The following TBC1D5 variants were observed in gnomAD, a reference collection of about 807,000 sequenced individuals.
TBC1D5 encodes the protein TBC1 domain family, member 5.
A neutral mutation model predicts 100.3 loss-of-function variants in TBC1D5; 75 were observed. That is an observed-to-expected ratio of 0.75 (90% confidence interval 0.62 to 0.91). The LOEUF (loss-of-function observed/expected upper bound fraction) is 0.91. TBC1D5 is among the 40% of genes least tolerant of loss of function. TBC1D5 has a pLI of 0.00. For missense variants in TBC1D5, 910 were observed against 942.4 expected (o/e 0.97, Z 0.45); for synonymous variants, 323 against 325.6 (o/e 0.99, Z 0.09).
At chr3:17,717,702 T>C (rs1357194588) in intron 1 of TBC1D5, among the ~76,000 whole-genome samples, 1 of 152,198 alleles carries the variant, frequency 6.6e-6, no homozygotes, top group African/African-American at 2.4e-5. Flanking sequence ...TTTTGATATA[T>C]GCTTTCTAGT....
chr3:17,708,469 A>G (rs1293032593), intron 1 of TBC1D5, among the ~76,000 whole-genome samples: 1 of 152,216 alleles, frequency 6.6e-6, no homozygotes, highest in Non-Finnish European at 1.5e-5. Context: ...TCTCTAAAAG[A>G]CAGTTTCTCA....
chr3:17,404,714 G>A (rs761622049), exon 7 of TBC1D5: 1 of 1,606,688 alleles, frequency 6.2e-7, no homozygotes, highest in South Asian at 1.1e-5. Flanking sequence ...TGTGAAAGAG[G>A]ATTATTGATC....
At chr3:17,539,807 T>C (rs887882946) in intron 2 of TBC1D5, among the ~76,000 whole-genome samples, 1 of 152,198 alleles carries the variant, frequency 6.6e-6, no homozygotes, top group Non-Finnish European at 1.5e-5. Context: ...AACATGGGTG[T>C]ATAAATTGTC....
At chr3:17,380,383 T>G (rs192144982) in intron 9 of TBC1D5, among the ~76,000 whole-genome samples, 5 of 152,046 alleles carry the variant, frequency 3.3e-5, no homozygotes, top group Admixed American at 2.0e-4. Context: ...GATTTTTGGT[T>G]TTGCTATCAA....
intron 1 of TBC1D5, among the ~76,000 whole-genome samples, chr3:17,677,243 A>C (rs1452999910): frequency 6.6e-6 from 1 of 152,234 alleles, no homozygotes; most frequent in Admixed American, 6.5e-5. Context: ...AAATTTTTGC[A>C]ATCTACTCAT....
At chr3:17,209,145 A>G (rs2072626205) in intron 18 of TBC1D5, among the ~76,000 whole-genome samples, 2 of 152,076 alleles carry the variant, frequency 1.3e-5, no homozygotes, top group Non-Finnish European at 2.9e-5. Flanking sequence ...CTATGTATCT[A>G]TGTATCTATC....
intron 1 of TBC1D5, among the ~76,000 whole-genome samples, chr3:17,651,187 T>A (rs1453936003): frequency 1.3e-5 from 2 of 152,164 alleles, no homozygotes; most frequent in African/African-American, 4.8e-5. Context: ...GTCTCATATC[T>A]ATAAAATACA....
chr3:17,334,917 A>C (rs947624251), intron 13 of TBC1D5, among the ~76,000 whole-genome samples: 1 of 152,126 alleles, frequency 6.6e-6, no homozygotes, highest in Non-Finnish European at 1.5e-5. Context: ...TTGGGGGGAA[A>C]ATCTACAGAT....
At chr3:17,348,064 T>G (rs753562682) in intron 13 of TBC1D5, among the ~76,000 whole-genome samples, 18 of 152,242 alleles carry the variant, frequency 1.2e-4, no homozygotes, top group Non-Finnish European at 2.1e-4. Flanking sequence ...AATATCATCT[T>G]GGACTTTAAA....
chr3:17,623,925 A>G lies in TBC1D5; in HGVS notation c.-100-12T>C, dbSNP rs1221123836. ...TGATACTGATATCACTGAAATAAAG[A>G]AAAAAAAAAGGATCTTTAAATCTAT... On this transcript the variant is annotated splice_polypyrimidine_tract_variant and intron_variant, in intron 1 of 21. Transcript: ENST00000253692. 1 of 138,816 alleles carries G rather than the reference A, an allele frequency of 7.2e-6. No homozygotes were observed. Among genetic ancestry groups the G allele is most frequent in the East Asian group, 1.9e-4 (1 of 5,158 alleles). The allele number at this position is 138,816 out of a possible 1,614,324, so 8.6% of individuals were successfully genotyped here.
intron 16 of TBC1D5, among the ~76,000 whole-genome samples, chr3:17,256,585 T>C (rs1231506020): frequency 6.6e-6 from 1 of 151,860 alleles, no homozygotes; most frequent in African/African-American, 2.4e-5. Context: ...ATACATTTCC[T>C]GTGGTGGAGA....
rs538538558 is a variant in TBC1D5, at chr3:17,481,466, T to C, written c.97+27008A>G. On this transcript the variant is annotated intron_variant, in intron 3 of 21. Coordinates refer to ENST00000253692, the Ensembl canonical transcript of TBC1D5. ...GCAAAGCAACACCCCAAGTAGCCCA[T>C]GACAACTTAAGCCTGTGAAGTAGAG... is the stretch of plus-strand genomic sequence containing the variant. 1.5e-3 allele frequency among the ~76,000 whole-genome samples: 231 copies of C among 152,260 alleles called. 2 individuals carry two copies. Among genetic ancestry groups the C allele is most frequent in the African/African-American group, 5.1e-3 (212 of 41,552 alleles).
intron 2 of TBC1D5, among the ~76,000 whole-genome samples, chr3:17,556,431 A>C (rs1401570004): frequency 6.6e-6 from 1 of 152,126 alleles, no homozygotes; most frequent in Non-Finnish European, 1.5e-5. Context: ...TCACTACTCA[A>C]TCTAGGCTCT....
At chr3:17,299,020 A>G (rs2082542318) in intron 14 of TBC1D5, among the ~76,000 whole-genome samples, 1 of 152,246 alleles carries the variant, frequency 6.6e-6, no homozygotes, top group Non-Finnish European at 1.5e-5. Flanking sequence ...TAGGCAATTT[A>G]TAAATTATGG....
At chr3:17,167,325 AC>A (rs2066728134) in intron 20 of TBC1D5, among the ~76,000 whole-genome samples, 1 of 152,212 alleles carries the variant, frequency 6.6e-6, no homozygotes, top group Non-Finnish European at 1.5e-5. Flanking sequence ...ACTCTTTTTC[AC>A]TGACATTTAT....
intron 3 of TBC1D5, among the ~76,000 whole-genome samples, chr3:17,455,500 ATATGTGTGTG>A (rs1559924843): frequency 2.9e-5 from 4 of 138,774 alleles, no homozygotes; most frequent in African/African-American, 1.1e-4. Flanking sequence ...GTGTATATAT[ATATGTGTGTG>A]TGTATATATA....
intron 1 of TBC1D5, among the ~76,000 whole-genome samples, chr3:17,700,408 C>T (rs1577598077): frequency 6.6e-6 from 1 of 152,174 alleles, no homozygotes; most frequent in South Asian, 2.1e-4. Flanking sequence ...CCATTCAGGA[C>T]ATAGGCATGG....
intron 3 of TBC1D5, among the ~76,000 whole-genome samples, chr3:17,478,778 C>T (rs996995200): frequency 6.6e-6 from 1 of 152,144 alleles, no homozygotes; most frequent in Non-Finnish European, 1.5e-5. Flanking sequence ...GGAAAGCTGA[C>T]ATCACCATGT....
At chr3:17,608,638 C>T (rs962856158) in intron 2 of TBC1D5, among the ~76,000 whole-genome samples, 4 of 152,246 alleles carry the variant, frequency 2.6e-5, no homozygotes, top group Middle Eastern at 6.8e-3. Flanking sequence ...TAAATGCTAA[C>T]GTGTGACAAA....
Sources: allele counts gnomAD v4.1 joint callset (sites outside exome capture counted in the v4.1 genomes callset), GRCh38; gene constraint gnomAD v4.1.1; transcripts MANE v1.5; gene names NCBI Gene and HGNC (gene_info 2026-07-23, HGNC 2026-07-21).